PAFAH1B2: variants seen among roughly 807,000 people sequenced by gnomAD.
PAFAH1B2 encodes the protein platelet activating factor acetylhydrolase 1b catalytic subunit 2.
Under a neutral mutation model 28.0 loss-of-function variants are expected in PAFAH1B2, and 8 were observed. That is an observed-to-expected ratio of 0.29 (90% confidence interval 0.17 to 0.52). PAFAH1B2 has a LOEUF of 0.52. PAFAH1B2 is among the 20% of genes least tolerant of loss of function. The probability of loss-of-function intolerance (pLI) is 0.97; values close to 1 mark genes in which losing one functional copy is unlikely to be tolerated. For synonymous variants in PAFAH1B2, 104 were observed against 103.2 expected, an observed-to-expected ratio of 1.01 and a Z score of -0.05; for missense variants, 190 against 282.6, an observed-to-expected ratio of 0.67 and a Z score of 2.35.
chr11:117,161,390 G>A, intron 4 of PAFAH1B2, 129 bp downstream of exon 4: 5 of 566,058 alleles, frequency 8.8e-6, no homozygotes, highest in Non-Finnish European at 1.2e-5. Context: ...GCCTCTTTAA[G>A]GTAAATGATA....
chr11:117,163,017 A>G (rs990427780), intron 4 of PAFAH1B2, among the ~76,000 whole-genome samples: 3 of 152,136 alleles, frequency 2.0e-5, no homozygotes, highest in Non-Finnish European at 4.4e-5. Context: ...ACAGTTTATT[A>G]ATCTTTTTTG....
In PAFAH1B2 at chr11:117,168,453, T is replaced by TG; in HGVS notation, c.*754_*755insG. 2 of 613,142 alleles carry TG rather than the reference T, an allele frequency of 3.3e-6. No homozygotes were observed. The highest frequency in any genetic ancestry group is 1.7e-4 in the East Asian group (2 of 11,460). 38.0% of individuals were successfully genotyped at this position (613,142 alleles called of 1,614,324 possible). On this transcript the variant is annotated 3_prime_UTR_variant, in exon 6 of 6. Coordinates refer to ENST00000527958, the MANE Select transcript of PAFAH1B2 (RefSeq NM_002572.4). The stretch of plus-strand genomic sequence containing the variant: ...CATTCCCCCCGCCACCCCGTTTTTT[T>TG]TTTTTTTTTTTTTTTTTTGGTTCTT...
downstream of PAFAH1B2, among the ~76,000 whole-genome samples, chr11:117,174,535 A>G (rs1956738811): frequency 6.8e-6 from 1 of 146,366 alleles, no homozygotes; most frequent in African/African-American, 2.5e-5. Flanking sequence ...CAGGCATGCA[A>G]TGGCGTGATC....
intron 2 of PAFAH1B2, chr11:117,159,549 ATGGTAAAACC>A: frequency 6.0e-6 from 1 of 166,126 alleles, no homozygotes; most frequent in South Asian, 1.7e-4. Flanking sequence ...CCTGGGCAAC[ATGGTAAAACC>A]TCGTCTCTAC....
Position 117,170,335 on chromosome 11 carries a change from G to A in PAFAH1B2, c.*2636G>A, listed in dbSNP as rs1422374170. 1.2e-5 allele frequency: 13 copies of A among 1,059,354 alleles called. No homozygotes were observed. The South Asian group carries it at 1.8e-4, about 15-fold the overall frequency. The allele number at this position is 1,059,354 out of a possible 1,614,324, so 65.6% of individuals were successfully genotyped here. A position where few individuals can be genotyped will look rare whatever the true frequency, so the allele number is the denominator to read the frequency against. On this transcript the variant is annotated 3_prime_UTR_variant, in exon 6 of 6. Transcript: ENST00000527958. ...TCTCCCAGCAAATTTGTATTCCTTC[G>A]CCCACGCATTCCTGCTATACTAGAT...
rs1956612712 is a variant in PAFAH1B2, at chr11:117,170,041, T to C, written c.*2342T>C. 9.5e-7 allele frequency: 1 copy of C among 1,055,080 alleles called. No individual in the cohort carries two copies. The highest frequency in any genetic ancestry group is 1.1e-6 in the Non-Finnish European group (1 of 873,024). The allele number at this position is 1,055,080 out of a possible 1,614,324, so 65.4% of individuals were successfully genotyped here. On this transcript the variant is annotated 3_prime_UTR_variant, in exon 6 of 6. Coordinates refer to ENST00000527958, the MANE Select transcript of PAFAH1B2 (RefSeq NM_002572.4). ...CAATAGTATTTGAACCACTAGCCTT[T>C]TAAATAAAATTCTGCCCCATTACTG... is the stretch of plus-strand genomic sequence containing the variant.
At chr11:117,171,525 G>T, downstream of PAFAH1B2, 1 of 569,860 alleles carries the variant, frequency 1.8e-6, no homozygotes, top group Non-Finnish European at 3.2e-6. Flanking sequence ...AACAGAGCGA[G>T]ACTCTTGTCT....
chr11:117,162,606 A>T (rs968258872), intron 4 of PAFAH1B2, among the ~76,000 whole-genome samples: 36 of 121,788 alleles, frequency 3.0e-4, no homozygotes, highest in Middle Eastern at 3.9e-3. Context: ...CTCTAGATTT[A>T]AAAAAAAAAA....
chr11:117,158,978 T>A (rs906182765), intron 2 of PAFAH1B2, among the ~76,000 whole-genome samples: 1 of 152,214 alleles, frequency 6.6e-6, no homozygotes, highest in African/African-American at 2.4e-5. Flanking sequence ...TCTTAGGAGA[T>A]GCTTGCTGAT....
chr11:117,159,525 G>C (rs1374081760), intron 2 of PAFAH1B2: 1 of 156,992 alleles, frequency 6.4e-6, no homozygotes, highest in African/African-American at 2.4e-5. Context: ...TTGAGCTCAG[G>C]AGTTCAAGAC....
chr11:117,174,376 G>T (rs1956735756), downstream of PAFAH1B2, among the ~76,000 whole-genome samples: 1 of 151,778 alleles, frequency 6.6e-6, no homozygotes, highest in Non-Finnish European at 1.5e-5. Context: ...CAGAGACGGG[G>T]TTTCACCATG....
chr11:117,152,322 G>A, intron 1 of PAFAH1B2, 119 bp from the exon 2 acceptor site: 1 of 637,670 alleles, frequency 1.6e-6, no homozygotes, highest in Admixed American at 2.8e-5. Flanking sequence ...TTTCCCAATT[G>A]TTTCTAGGCA....
chr11:117,153,524 G>A (rs1212600417), intron 2 of PAFAH1B2, among the ~76,000 whole-genome samples: 1 of 152,096 alleles, frequency 6.6e-6, no homozygotes, highest in Non-Finnish European at 1.5e-5. Flanking sequence ...CCAAGTAGCT[G>A]GGATTACAGG....
chr11:117,154,762 T>C (rs369210484), intron 2 of PAFAH1B2, among the ~76,000 whole-genome samples: 6 of 152,224 alleles, frequency 3.9e-5, no homozygotes, highest in African/African-American at 1.4e-4. Flanking sequence ...CTTTTAAGCA[T>C]TGCATACTGA....
intron 1 of PAFAH1B2, among the ~76,000 whole-genome samples, chr11:117,150,306 G>A (rs931719779): frequency 6.6e-6 from 1 of 152,036 alleles, no homozygotes; most frequent in African/African-American, 2.4e-5. Context: ...GTTCCACCAT[G>A]CCCGGCTAAT....
exon 6 of PAFAH1B2, chr11:117,176,296 G>A (rs1026046069): frequency 3.0e-6 from 1 of 330,356 alleles, no homozygotes. Context: ...TTGGACAGGG[G>A]CCAAAACTAA....
intron 2 of PAFAH1B2, among the ~76,000 whole-genome samples, chr11:117,154,165 A>G (rs574941204): frequency 1.3e-5 from 2 of 152,092 alleles, no homozygotes; most frequent in Admixed American, 1.3e-4. Flanking sequence ...TTTTTCTTTC[A>G]TGGACATCTG....
In PAFAH1B2 at chr11:117,144,302, G is replaced by T. The variant is rs1226648766; in HGVS notation, c.-124G>T. ...AACCGGAAGTGGAGGAGCTGCTGCT[G>T]GTGCTGGGGCCGGAGGAGGGACGCG... On this transcript the variant is annotated 5_prime_UTR_variant, in exon 1 of 6. Coordinates refer to ENST00000527958, the MANE Select transcript of PAFAH1B2 (RefSeq NM_002572.4). 2 of 385,292 alleles carry T rather than the reference G, an allele frequency of 5.2e-6. No individual in the cohort carries two copies. The highest frequency in any genetic ancestry group is 1.1e-5 in the Non-Finnish European group (2 of 186,464). 23.9% of individuals were successfully genotyped at this position (385,292 alleles called of 1,614,324 possible). A position where few individuals can be genotyped will look rare whatever the true frequency, so the allele number is the denominator to read the frequency against.
At chr11:117,154,552 A>G (rs530639704) in intron 2 of PAFAH1B2, among the ~76,000 whole-genome samples, 1 of 152,216 alleles carries the variant, frequency 6.6e-6, no homozygotes, top group African/African-American at 2.4e-5. Context: ...GTGATCCACC[A>G]CCGCTTCTCA....
Sources: gnomAD v4.1 joint callset for allele counts (sites outside exome capture counted in the v4.1 genomes callset) on GRCh38, gnomAD v4.1.1 for gene constraint, MANE v1.5 for transcripts, NCBI Gene and HGNC (gene_info 2026-07-23, HGNC 2026-07-21) for gene names.